The following SANBR variants were observed in gnomAD, a reference collection of about 807,000 sequenced individuals.
The protein encoded by SANBR is SANT and BTB domain regulator of class switch recombination.
In SANBR, 77 loss-of-function variants were observed where a neutral mutation model predicts 101.8. The observed-to-expected ratio is 0.76, with a 90% CI of 0.63 to 0.91. The LOEUF (loss-of-function observed/expected upper bound fraction) is 0.91. SANBR is among the 40% of genes least tolerant of loss of function. SANBR has a pLI of 0.00. For missense variants in SANBR, 875 were observed against 853.0 expected, an observed-to-expected ratio of 1.03 and a Z score of -0.32; for synonymous variants, 279 against 274.7, an observed-to-expected ratio of 1.02 and a Z score of -0.15.
chr2:61,106,390 CAAAAA>C (rs11364653), intron 13 of SANBR, among the ~76,000 whole-genome samples, 168 bp from the exon 14 acceptor site: 2 of 63,260 alleles, frequency 3.2e-5, no homozygotes, highest in Non-Finnish European at 5.7e-5. Context: ...GACTCCATCT[CAAAAA>C]AAAAAAAAAA....
Position 61,123,382 on chromosome 2 carries a change from C to T in SANBR, c.*1220C>T, listed in dbSNP as rs1684410549. Reference sequence around the variant, plus strand: ...TCAGTTTACACGTACAGAAATCATTCTTTTTAGTGAGTCTTTTAGTTGATA... The same window carrying T: ...TCAGTTTACACGTACAGAAATCATTTTTTTTAGTGAGTCTTTTAGTTGATA... On this transcript the variant is annotated 3_prime_UTR_variant, in exon 22 of 22. Transcript: ENST00000402291. The T allele has an allele frequency of 3.0e-6, 3 of 983,620 alleles. No homozygotes were observed. The highest frequency in any genetic ancestry group is 9.4e-5 in the South Asian group (2 of 21,238). 60.9% of individuals were successfully genotyped at this position (983,620 alleles called of 1,614,324 possible).
At chr2:61,133,969 C>T (rs1684766580) in intron 20 of SANBR, among the ~76,000 whole-genome samples, 1 of 152,240 alleles carries the variant, frequency 6.6e-6, no homozygotes, top group South Asian at 2.1e-4. Context: ...AAAACTGTTT[C>T]AAAAAGGCCA....
intron 5 of SANBR, among the ~76,000 whole-genome samples, chr2:61,073,955 G>A (rs1046251986): frequency 2.1e-4 from 29 of 137,866 alleles, no homozygotes; most frequent in Middle Eastern, 7.6e-3. Flanking sequence ...ATGTCTTTCA[G>A]TGTATTGCAA....
At chr2:61,086,406 T>C (rs1255188199) in intron 8 of SANBR, among the ~76,000 whole-genome samples, 1 of 152,102 alleles carries the variant, frequency 6.6e-6, no homozygotes, top group Non-Finnish European at 1.5e-5. Flanking sequence ...TTGGTGCTAT[T>C]GTAAATGCTA....
chr2:61,077,403 G>A (rs1681850148), intron 6 of SANBR, among the ~76,000 whole-genome samples: 3 of 152,052 alleles, frequency 2.0e-5, no homozygotes, highest in Admixed American at 2.0e-4. Flanking sequence ...GGATACTAGG[G>A]ACCCTTTTAG....
At chr2:61,091,782 A>G (rs1482094962) in intron 10 of SANBR, among the ~76,000 whole-genome samples, 1 of 152,116 alleles carries the variant, frequency 6.6e-6, no homozygotes, top group Non-Finnish European at 1.5e-5. Flanking sequence ...AACAAAAACA[A>G]AAACAAAAAA....
intron 8 of SANBR, among the ~76,000 whole-genome samples, chr2:61,083,863 C>T (rs998359230): frequency 3.4e-5 from 5 of 148,892 alleles, no homozygotes; most frequent in East Asian, 2.0e-4. Context: ...AGCGAGACTC[C>T]GTCTCAAAAA....
intron 7 of SANBR, 66 bp from the exon 8 acceptor site, chr2:61,083,088 A>C: frequency 1.6e-6 from 2 of 1,212,244 alleles, no homozygotes; most frequent in Non-Finnish European, 1.2e-6. Flanking sequence ...TTATCTTTGA[A>C]AGGTATTGCT....
chr2:61,117,587 A>G (rs1573664312), intron 19 of SANBR, 47 bp downstream of exon 19: 1 of 1,453,142 alleles, frequency 6.9e-7, no homozygotes. Context: ...GTAAATAGCA[A>G]TGATTGGTGT....
chr2:61,101,732 A>C (rs1191599558), intron 12 of SANBR, among the ~76,000 whole-genome samples: 5 of 151,466 alleles, frequency 3.3e-5, no homozygotes, highest in African/African-American at 1.2e-4. Flanking sequence ...CGTCTGAAAA[A>C]AAAAAAATTG....
intron 1 of SANBR, among the ~76,000 whole-genome samples, chr2:61,066,826 C>A (rs545349983): frequency 1.5e-3 from 232 of 152,076 alleles, no homozygotes; most frequent in Non-Finnish European, 2.5e-3. Context: ...ATATTAAATA[C>A]ATAAACCAAG....
At chr2:61,115,807 CTGTAAAGCAAT>C (rs1026293219) in intron 16 of SANBR, 161 bp from the exon 17 acceptor site, 44 of 488,198 alleles carry the variant, frequency 9.0e-5, no homozygotes, top group Non-Finnish European at 1.4e-4. Context: ...TTATGAACCC[CTGTAAAGCAAT>C]TTCAGCTTTG....
At chr2:61,100,726 G>C (rs1470854869) in intron 12 of SANBR, among the ~76,000 whole-genome samples, 1 of 152,190 alleles carries the variant, frequency 6.6e-6, no homozygotes, top group Non-Finnish European at 1.5e-5. Context: ...TCCAGGGTTT[G>C]AGGGGAGTAT....
intron 17 of SANBR, chr2:61,117,040 G>C (rs1172375962): frequency 2.8e-6 from 1 of 355,292 alleles, no homozygotes; most frequent in South Asian, 2.8e-5. Context: ...CTGGGCAACA[G>C]AGTGAGACCC....
chr2:61,078,767 G>A (rs544087943), intron 6 of SANBR, among the ~76,000 whole-genome samples: 31 of 152,252 alleles, frequency 2.0e-4, no homozygotes, highest in African/African-American at 7.0e-4. Context: ...GGCAGGGCAT[G>A]GTGGCTCACA....
At chr2:61,129,455 A>AG (rs397693862) in intron 20 of SANBR, among the ~76,000 whole-genome samples, 1 of 151,844 alleles carries the variant, frequency 6.6e-6, no homozygotes, top group African/African-American at 2.4e-5. Context: ...AAAAAAAAAA[A>AG]CAAGAAAAAA....
intron 5 of SANBR, 45 bp from the exon 6 acceptor site, chr2:61,076,875 T>C (rs574259650): frequency 1.3e-5 from 19 of 1,417,080 alleles, no homozygotes; most frequent in Non-Finnish European, 1.7e-5. Flanking sequence ...TGACTCCTTT[T>C]CTAAAACTCT....
At chr2:61,130,987 A>G (rs1684672992) in intron 20 of SANBR, among the ~76,000 whole-genome samples, 1 of 149,896 alleles carries the variant, frequency 6.7e-6, no homozygotes, top group Admixed American at 6.7e-5. Context: ...TAGATGCATA[A>G]AAAGCAATCG....
At chr2:61,115,251 T>G (rs1019178817) in intron 16 of SANBR, among the ~76,000 whole-genome samples, 1 of 152,100 alleles carries the variant, frequency 6.6e-6, no homozygotes, top group Non-Finnish European at 1.5e-5. Context: ...CTATTGCCTC[T>G]TCAATTTGTT....
Sources: gnomAD v4.1 joint callset for allele counts (sites outside exome capture counted in the v4.1 genomes callset) on GRCh38, gnomAD v4.1.1 for gene constraint, MANE v1.5 for transcripts, NCBI Gene and HGNC (gene_info 2026-07-23, HGNC 2026-07-21) for gene names.